The following PRKCA variants were observed in gnomAD, a reference collection of about 807,000 sequenced individuals.
The protein encoded by PRKCA is protein kinase C alpha.
Under a neutral mutation model 87.0 loss-of-function variants are expected in PRKCA, and 27 were observed. The ratio of observed to expected loss-of-function variants is 0.31; its 90% confidence interval spans 0.23 to 0.43. PRKCA has a LOEUF of 0.43. Ranked by LOEUF, PRKCA falls within the 20% of genes least tolerant of loss-of-function variation. The pLI, the probability that PRKCA is intolerant of heterozygous loss-of-function variation, is 1.00. For synonymous variants in PRKCA, 329 were observed against 311.1 expected (o/e 1.06, Z -0.61); for missense variants, 518 against 852.3 (o/e 0.61, Z 4.88).
chr17:66,683,615 G>A (rs1054316107), intron 5 of PRKCA, among the ~76,000 whole-genome samples: 11 of 151,940 alleles, frequency 7.2e-5, no homozygotes, highest in East Asian at 1.9e-4. Flanking sequence ...TGGGGGGGTC[G>A]GGGGGATAGA....
At chr17:66,791,125 T>A (rs1482445954) in intron 16 of PRKCA, among the ~76,000 whole-genome samples, 2 of 151,532 alleles carry the variant, frequency 1.3e-5, no homozygotes, top group African/African-American at 4.9e-5. Context: ...ATTAGGTATA[T>A]CTCCTAATGC....
At chr17:66,726,869 C>T (rs574142961) in intron 8 of PRKCA, among the ~76,000 whole-genome samples, 6 of 152,078 alleles carry the variant, frequency 3.9e-5, no homozygotes, top group Admixed American at 3.3e-4. Flanking sequence ...GGACTACAGG[C>T]GCCCACCACC....
At chr17:66,346,415 TA>T (rs113963716) in intron 2 of PRKCA, among the ~76,000 whole-genome samples, 67 of 147,408 alleles carry the variant, frequency 4.5e-4, no homozygotes, top group Middle Eastern at 3.5e-3. Flanking sequence ...TTTTTTAAAT[TA>T]AAAAAAAAAA....
chr17:66,567,654 C>T (rs547871205), intron 3 of PRKCA, among the ~76,000 whole-genome samples: 6 of 152,196 alleles, frequency 3.9e-5, no homozygotes, highest in Non-Finnish European at 7.3e-5. Context: ...CCCTCTGTTA[C>T]CTCAAGATTT....
At chr17:66,451,884 A>G (rs1325063523) in intron 2 of PRKCA, among the ~76,000 whole-genome samples, 1 of 152,208 alleles carries the variant, frequency 6.6e-6, no homozygotes, top group African/African-American at 2.4e-5. Flanking sequence ...GACAAAGGCC[A>G]GGGGACAGAA....
chr17:66,662,979 T>G (rs1971948091), intron 5 of PRKCA, among the ~76,000 whole-genome samples: 1 of 152,148 alleles, frequency 6.6e-6, no homozygotes, highest in Non-Finnish European at 1.5e-5. Context: ...AGTCGTCGAT[T>G]CTGCAGGTGT....
intron 3 of PRKCA, among the ~76,000 whole-genome samples, chr17:66,566,480 G>GTTTTTTTTTTTTTT (rs56912157): frequency 2.1e-5 from 2 of 97,032 alleles, no homozygotes; most frequent in African/African-American, 3.7e-5. Context: ...TTGTTTTTTG[G>GTTTTTTTTTTTTTT]TTTTTTTTTT....
chr17:66,429,115 G>T (rs1912969488), intron 2 of PRKCA, among the ~76,000 whole-genome samples: 1 of 152,120 alleles, frequency 6.6e-6, no homozygotes, highest in South Asian at 2.1e-4. Context: ...CTTCTTGAGA[G>T]TGTGGACTGT....
chr17:66,728,047 T>TTTC (rs1447028655), intron 8 of PRKCA, among the ~76,000 whole-genome samples: 6 of 152,072 alleles, frequency 3.9e-5, no homozygotes, highest in African/African-American at 1.2e-4. Context: ...TACCGTGGAG[T>TTTC]TTCCTACCAT....
chr17:66,347,340 A>G (rs2143397578), intron 2 of PRKCA, among the ~76,000 whole-genome samples: 1 of 152,282 alleles, frequency 6.6e-6, no homozygotes, highest in South Asian at 2.1e-4. Context: ...GTTTTGGTTG[A>G]AGTGTATGTC....
At chr17:66,315,666 G>A (rs1905279623) in intron 2 of PRKCA, among the ~76,000 whole-genome samples, 1 of 152,084 alleles carries the variant, frequency 6.6e-6, no homozygotes, top group African/African-American at 2.4e-5. Flanking sequence ...TCTTAGTAGA[G>A]ATGGGGTTTC....
intron 2 of PRKCA, among the ~76,000 whole-genome samples, chr17:66,393,206 G>A (rs1430840568): frequency 6.6e-6 from 1 of 152,110 alleles, no homozygotes; most frequent in Non-Finnish European, 1.5e-5. Flanking sequence ...ACCCCCTTTG[G>A]AGTCTAGTAA....
chr17:66,559,139 A>C (rs1210553685), intron 3 of PRKCA, among the ~76,000 whole-genome samples: 1 of 152,042 alleles, frequency 6.6e-6, no homozygotes, highest in Non-Finnish European at 1.5e-5. Flanking sequence ...GAGTCCTTGA[A>C]TCAGAGACTC....
chr17:66,413,787 GC>G (rs1445785992), intron 2 of PRKCA, among the ~76,000 whole-genome samples: 1 of 152,132 alleles, frequency 6.6e-6, no homozygotes, highest in Non-Finnish European at 1.5e-5. Flanking sequence ...GCCAAGGCAG[GC>G]AGATCACTAG....
intron 3 of PRKCA, among the ~76,000 whole-genome samples, chr17:66,564,046 C>CTTTCTTCCT (rs1300215303): frequency 6.7e-6 from 1 of 148,920 alleles, no homozygotes; most frequent in Non-Finnish European, 1.5e-5. Flanking sequence ...CTCTTCCTTC[C>CTTTCTTCCT]TTTCTTCCTT....
intron 2 of PRKCA, among the ~76,000 whole-genome samples, chr17:66,389,997 G>A (rs1324961772): frequency 6.6e-6 from 1 of 152,254 alleles, no homozygotes; most frequent in Non-Finnish European, 1.5e-5. Context: ...GCCAAGGCGG[G>A]TGGATCACCT....
intron 2 of PRKCA, among the ~76,000 whole-genome samples, chr17:66,393,339 G>A (rs1910471997): frequency 6.6e-6 from 1 of 152,142 alleles, no homozygotes; most frequent in Non-Finnish European, 1.5e-5. Context: ...GTTCATCTGG[G>A]TTGCAGACCC....
At chr17:66,666,834 C>A (rs6504445) in intron 5 of PRKCA, among the ~76,000 whole-genome samples, 7,668 of 151,978 alleles carry the variant, frequency 0.05, 657 homozygotes, top group African/African-American at 0.17. Context: ...TGAATCCCCC[C>A]CCCACACACA....
At chr17:66,640,132 G>A (rs74679810) in intron 3 of PRKCA, among the ~76,000 whole-genome samples, 2,395 of 152,236 alleles carry the variant, frequency 0.016, 72 homozygotes, top group African/African-American at 0.054. Flanking sequence ...AGACTGACTC[G>A]TTTTGTCCTT....
Sources: gnomAD v4.1 joint callset for allele counts (sites outside exome capture counted in the v4.1 genomes callset) on GRCh38, gnomAD v4.1.1 for gene constraint, MANE v1.5 for transcripts, NCBI Gene and HGNC (gene_info 2026-07-23, HGNC 2026-07-21) for gene names.